Variants in ANGPTL6 observed in about 807,000 individuals in gnomAD.
ANGPTL6 encodes angiopoietin-related protein 6.
In ANGPTL6, 45 loss-of-function variants were observed where a neutral mutation model predicts 47.4. The ratio of observed to expected loss-of-function variants is 0.95; its 90% CI spans 0.75 to 1.22. ANGPTL6 has a LOEUF of 1.22. Ranked by LOEUF, ANGPTL6 falls within the 50% of genes most tolerant of loss-of-function variation. ANGPTL6 has a pLI of 0.00. For missense variants in ANGPTL6, 698 were observed against 669.4 expected, an observed-to-expected ratio of 1.04 and a Z score of -0.47; for synonymous variants, 290 against 295.9, an observed-to-expected ratio of 0.98 and a Z score of 0.20.
At chr19:10,104,581 C>G (rs2088771896), upstream of ANGPTL6, among the ~76,000 whole-genome samples, 1 of 152,086 alleles carries the variant, frequency 6.6e-6, no homozygotes, top group African/African-American at 2.4e-5. Context: ...CATATTGGAT[C>G]TGAACCTATC....
At chr19:10,102,954 C>T (rs1238307511), upstream of ANGPTL6, among the ~76,000 whole-genome samples, 2 of 151,828 alleles carry the variant, frequency 1.3e-5, no homozygotes, top group African/African-American at 4.8e-5. Context: ...GTGATCCCAG[C>T]CCCAGACACG....
chr19:10,094,527 C>G, intron 3 of ANGPTL6: 1 of 599,916 alleles, frequency 1.7e-6, no homozygotes, highest in Non-Finnish European at 2.9e-6. Context: ...TGAACCAGTT[C>G]AAACTCTTAC....
intron 1 of ANGPTL6, among the ~76,000 whole-genome samples, chr19:10,101,012 C>G (rs1211076328): frequency 6.6e-6 from 1 of 151,940 alleles, no homozygotes; most frequent in Non-Finnish European, 1.5e-5. Context: ...AGTTTGAGAC[C>G]AGCTTGGCTA....
In ANGPTL6 at chr19:10,100,525, C is replaced by G. The variant is rs189740840; in HGVS notation, c.-11+2043G>C. Among the ~76,000 whole-genome samples, 372 of 152,294 alleles carry G rather than the reference C, an allele frequency of 2.4e-3. 3 individuals are homozygous for G. The highest frequency in any genetic ancestry group is 7.6e-4 in the Non-Finnish European group (52 of 68,030). On this transcript the variant is annotated intron_variant, in intron 1 of 5. Transcript: ENST00000253109. The stretch of plus-strand genomic sequence containing the variant: ...TGCTGAAATTACAGATGTGAGCAAC[C>G]ACACTGGCCCTAAACCTATGCTTCC...
chr19:10,092,547 G>T lies in ANGPTL6; in HGVS notation c.*42C>A. The T allele has an allele frequency of 6.4e-7, 1 of 1,559,240 alleles. No homozygotes were observed. The highest frequency in any genetic ancestry group is 1.2e-5 in the South Asian group (1 of 83,244). On this transcript the variant is annotated 3_prime_UTR_variant, in exon 6 of 6. Transcript: ENST00000253109. ...GGCCAGAACAACTTGGGCTCCTGCT[G>T]ACCAATGTCCTCTAGGGCCTAGGGG... is the stretch of plus-strand genomic sequence containing the variant.
intron 1 of ANGPTL6, among the ~76,000 whole-genome samples, chr19:10,098,740 C>A (rs2088605011): frequency 6.6e-6 from 1 of 151,440 alleles, no homozygotes; most frequent in Admixed American, 6.6e-5. Context: ...AGGAGAATCA[C>A]TTGAACCTGG....
intron 1 of ANGPTL6, among the ~76,000 whole-genome samples, chr19:10,097,386 GAA>G (rs376215894): frequency 2.7e-5 from 3 of 111,136 alleles, no homozygotes; most frequent in Admixed American, 9.1e-5. Context: ...TGTCTCAAAA[GAA>G]AAAAAAAAAA....
In ANGPTL6 at chr19:10,096,533, G is replaced by C; in HGVS notation, c.31C>G (p.Leu11Val). ...CACGACGCGCCCAGCAGGAGCAGCA[G>C]CTGTAGCGCACGCAGCCAGGGCTTC... MGKPWLRALQLLLLLGASWAR... is the reference protein window; with the variant it reads MGKPWLRALQVLLLLGASWAR... Residue 11 changes from leucine (L) to valine (V), a missense_variant, in exon 2 of 6, where the codon CTG becomes GTG. Physicochemically the swap from Leu to Val is conservative, Grantham distance 32. Transcript: ENST00000253109. 2.0e-6 allele frequency: 3 copies of C among 1,515,698 alleles called. No individual in the cohort carries two copies. Among genetic ancestry groups the C allele is most frequent in the Non-Finnish European group, 1.8e-6 (2 of 1,138,540 alleles). 93.9% of individuals were successfully genotyped at this position (1,515,698 alleles called of 1,614,324 possible).
chr19:10,092,576 G>C lies in ANGPTL6; in HGVS notation c.*13C>G, dbSNP rs751387207. The C allele has an allele frequency of 6.3e-7, 1 of 1,594,900 alleles. No individual in the cohort carries two copies. Among genetic ancestry groups the C allele is most frequent in the East Asian group, 2.2e-5 (1 of 44,524 alleles). On this transcript the variant is annotated 3_prime_UTR_variant, in exon 6 of 6. Transcript: ENST00000253109. Reference sequence around the variant, plus strand: ...AATGTCCTCTAGGGCCTAGGGGACAGAGGAACACAGAGTCACAGCTTCAGG... The same window carrying C: ...AATGTCCTCTAGGGCCTAGGGGACACAGGAACACAGAGTCACAGCTTCAGG...
chr19:10,096,542 C>T lies in ANGPTL6; in HGVS notation c.22G>A (p.Ala8Thr). The change falls in exon 2 of 6, where the codon GCG becomes ACG. Residue 8 changes from alanine (A) to threonine (T), a missense_variant. Coordinates refer to ENST00000253109, the MANE Select transcript of ANGPTL6 (RefSeq NM_031917.3). ...CCCAGCAGGAGCAGCAGCTGTAGCG[C>T]ACGCAGCCAGGGCTTCCCCATCGCG... MGKPWLR[A>T]LQLLLLLGAS... 6.6e-7 allele frequency: 1 copy of T among 1,514,488 alleles called. No individual in the cohort carries two copies. The highest frequency in any genetic ancestry group is 2.1e-5 in the Admixed American group (1 of 48,494). The allele number at this position is 1,514,488 out of a possible 1,614,324, so 93.8% of individuals were successfully genotyped here.
upstream of ANGPTL6, among the ~76,000 whole-genome samples, chr19:10,105,359 G>T (rs2088793598): frequency 6.6e-6 from 1 of 152,180 alleles, no homozygotes; most frequent in Non-Finnish European, 1.5e-5. Context: ...GATGGAGATG[G>T]GAGAGGCATA....
intron 1 of ANGPTL6, among the ~76,000 whole-genome samples, chr19:10,102,136 A>AG (rs1367866832): frequency 6.7e-6 from 1 of 150,142 alleles, no homozygotes; most frequent in African/African-American, 2.4e-5. Flanking sequence ...AAAAAAAAAA[A>AG]AAGAAATGGC....
upstream of ANGPTL6, among the ~76,000 whole-genome samples, chr19:10,103,113 G>T (rs983890634): frequency 2.2e-4 from 33 of 151,878 alleles, no homozygotes; most frequent in Non-Finnish European, 1.0e-4. Context: ...GGAAAACTGA[G>T]GCTCAGAGAG....
chr19:10,099,433 C>T (rs1328643183), intron 1 of ANGPTL6, among the ~76,000 whole-genome samples: 3 of 151,920 alleles, frequency 2.0e-5, no homozygotes, highest in Non-Finnish European at 4.4e-5. Context: ...AAAAAGTAGC[C>T]AGGCGTGGTG....
intron 5 of ANGPTL6, 99 bp downstream of exon 5, chr19:10,093,250 C>T (rs575419456): frequency 1.5e-5 from 22 of 1,446,790 alleles, no homozygotes; most frequent in South Asian, 1.2e-4. Flanking sequence ...CTTATACTTA[C>T]CAGAGGGGCG....
At chr19:10,097,860 T>A (rs918320287) in intron 1 of ANGPTL6, among the ~76,000 whole-genome samples, 14 of 140,468 alleles carry the variant, frequency 1.0e-4, no homozygotes, top group Admixed American at 2.8e-4. Flanking sequence ...CTCAAAAAAA[T>A]AAAATAAAAT....
rs560311003 is a variant in ANGPTL6, at chr19:10,096,400, T to G, written c.164A>C (p.Glu55Ala). 5 of 1,308,236 alleles carry G rather than the reference T, an allele frequency of 3.8e-6. No individual in the cohort carries two copies. Among genetic ancestry groups the G allele is most frequent in the East Asian group, 3.1e-5 (1 of 32,132 alleles). 81.0% of individuals were successfully genotyped at this position (1,308,236 alleles called of 1,614,324 possible). The change falls in exon 2 of 6, where the codon GAG (glutamate) becomes GCG (alanine). Residue 55 changes from glutamate to alanine, a missense_variant. Coordinates refer to ENST00000253109, the MANE Select transcript of ANGPTL6 (RefSeq NM_031917.3). ...SGPASTRATP[E>A]AANASELAAL... The stretch of plus-strand genomic sequence containing the variant: ...CGCCAGCTCGCTGGCGTTGGCGGCC[T>G]CGGGCGTCGCCCGCGTGGATGCGGG...
intron 1 of ANGPTL6, among the ~76,000 whole-genome samples, chr19:10,100,865 G>A (rs932046018): frequency 6.6e-6 from 1 of 152,116 alleles, no homozygotes; most frequent in African/African-American, 2.4e-5. Context: ...AGTCAGGACT[G>A]GGTGTGCTGA....
chr19:10,105,869 GGA>G (rs1490010560), upstream of ANGPTL6, among the ~76,000 whole-genome samples: 4 of 152,200 alleles, frequency 2.6e-5, no homozygotes, highest in Admixed American at 2.6e-4. Context: ...AAGGTGATGT[GGA>G]GTTTCCATCC....
Sources: gnomAD v4.1 joint callset for allele counts (sites outside exome capture counted in the v4.1 genomes callset) on GRCh38, gnomAD v4.1.1 for gene constraint, MANE v1.5 for transcripts, NCBI Gene and HGNC (gene_info 2026-07-23, HGNC 2026-07-21) for gene names.